The following LRRC53 variants were observed in gnomAD, a reference collection of about 807,000 sequenced individuals.
The protein encoded by LRRC53 is leucine-rich repeat-containing protein 53.
Under a neutral mutation model 13.6 loss-of-function variants are expected in LRRC53, and 25 were observed. The observed-to-expected ratio is 1.83, with a 90% CI of 1.34 to 2.56. The LOEUF is 2.56. Among genes scored for constraint, LRRC53 ranks in the 30% most tolerant of loss-of-function variants. LRRC53 has a pLI of 0.00. For missense variants in LRRC53, 527 were observed against 275.8 expected, an observed-to-expected ratio of 1.91 and a Z score of -6.45; for synonymous variants, 204 against 109.8, an observed-to-expected ratio of 1.86 and a Z score of -5.37.
At chr1:74,511,380 A>T (rs930323112) in intron 1 of LRRC53, among the ~76,000 whole-genome samples, 1 of 152,018 alleles carries the variant, frequency 6.6e-6, no homozygotes, top group East Asian at 1.9e-4. Context: ...TTTAGTAGAG[A>T]TAGGGTTTTG....
chr1:74,494,243 G>A (rs1356535443), intron 1 of LRRC53, among the ~76,000 whole-genome samples: 1 of 152,140 alleles, frequency 6.6e-6, no homozygotes, highest in East Asian at 1.9e-4. Context: ...TCTTAAGTGG[G>A]AAAAGATTAT....
chr1:74,473,344 C>T (rs1462944868), intron 4 of LRRC53, among the ~76,000 whole-genome samples: 3 of 152,042 alleles, frequency 2.0e-5, no homozygotes, highest in Admixed American at 6.6e-5. Context: ...TGACATTAAA[C>T]GACCCTATTG....
chr1:74,535,240 G>A, the LRRC53 span, among the ~76,000 whole-genome samples: 2 of 152,112 alleles, frequency 1.3e-5, no homozygotes, highest in African/African-American at 4.8e-5. Flanking sequence ...ACTTTGGGAG[G>A]TCGAGGTGGG....
chr1:74,473,593 C>T lies in LRRC53; in HGVS notation c.1421-1392G>A, dbSNP rs140544422. ...GGCCTCAAAATTAACTTTTAGTAGA[C>T]AGGAGATGTACTCTCAGCTCCTAAG... On this transcript the variant is annotated intron_variant, in intron 4 of 4. Coordinates refer to ENST00000294635, the MANE Select transcript of LRRC53 (RefSeq NM_001382280.1). 1.6e-3 allele frequency among the ~76,000 whole-genome samples: 242 copies of T among 151,380 alleles called. 2 individuals are homozygous for T. The highest frequency in any genetic ancestry group is 5.2e-3 in the African/African-American group (215 of 41,200).
In LRRC53 at chr1:74,469,565, C is replaced by T. The variant is rs1033304913; in HGVS notation, c.*313G>A. 17 of 182,456 alleles carry T rather than the reference C, an allele frequency of 9.3e-5. No individual in the cohort carries two copies. The highest frequency in any genetic ancestry group is 5.9e-4 in the African/African-American group (17 of 28,960). 11.3% of individuals were successfully genotyped at this position (182,456 alleles called of 1,614,324 possible). A position where few individuals can be genotyped will look rare whatever the true frequency, so the allele number is the denominator to read the frequency against. On this transcript the variant is annotated 3_prime_UTR_variant, in exon 5 of 5. Coordinates refer to ENST00000294635, the MANE Select transcript of LRRC53 (RefSeq NM_001382280.1). ...CAAATACTCTTCTTATGTAGTTTTT[C>T]ATTTGTTTAAGGCTTTTTTTTTTTC...
intron 4 of LRRC53, among the ~76,000 whole-genome samples, chr1:74,472,997 G>A (rs558079429): frequency 1.3e-5 from 2 of 152,224 alleles, no homozygotes; most frequent in South Asian, 2.1e-4. Flanking sequence ...TTTGGGGACA[G>A]ACCATATCTA....
At chr1:74,518,702 A>AGTGTTAAATTTG in the LRRC53 span, among the ~76,000 whole-genome samples, 42 of 152,250 alleles carry the variant, frequency 2.8e-4, 1 homozygote, top group South Asian at 4.8e-3. Flanking sequence ...GCTCAAAATT[A>AGTGTTAAATTTG]TTATATTAGT....
the LRRC53 span, among the ~76,000 whole-genome samples, chr1:74,527,760 TCTTCC>T: frequency 1.1e-4 from 16 of 152,238 alleles, no homozygotes; most frequent in Non-Finnish European, 1.5e-4. Flanking sequence ...CTGTTTTATC[TCTTCC>T]CTTCCCTTCA....
chr1:74,532,144 G>A, the LRRC53 span, among the ~76,000 whole-genome samples: 1 of 152,336 alleles, frequency 6.6e-6, no homozygotes, highest in African/African-American at 2.4e-5. Context: ...CACAAGATCA[G>A]AGGGTTGAGA....
chr1:74,481,265 G>T (rs189672290), intron 2 of LRRC53, among the ~76,000 whole-genome samples: 86 of 152,158 alleles, frequency 5.7e-4, no homozygotes, highest in African/African-American at 1.9e-3. Flanking sequence ...TATCTTCATC[G>T]ATGTTATTTT....
the LRRC53 span, among the ~76,000 whole-genome samples, chr1:74,532,566 C>T: frequency 6.6e-6 from 1 of 151,690 alleles, no homozygotes; most frequent in African/African-American, 2.4e-5. Context: ...TGCTGGTGTG[C>T]TGCACCCAAT....
At chr1:74,488,633 C>G (rs3765678) in intron 1 of LRRC53, among the ~76,000 whole-genome samples, 4,928 of 152,160 alleles carry the variant, frequency 0.032, 199 homozygotes, top group East Asian at 0.15. Context: ...TAACCAAACT[C>G]GTCTGACACA....
At chr1:74,506,036 C>A (rs543580121) in intron 1 of LRRC53, among the ~76,000 whole-genome samples, 187 of 152,220 alleles carry the variant, frequency 1.2e-3, no homozygotes, top group Admixed American at 5.4e-3. Context: ...GCCAGCCCAG[C>A]CAGTGTTAAC....
intron 1 of LRRC53, among the ~76,000 whole-genome samples, chr1:74,494,527 G>T (rs1669234802): frequency 6.6e-6 from 1 of 152,212 alleles, no homozygotes; most frequent in East Asian, 1.9e-4. Flanking sequence ...CATTAGATTT[G>T]GTCACATCAT....
the LRRC53 span, among the ~76,000 whole-genome samples, chr1:74,519,833 A>G: frequency 2.8e-3 from 425 of 152,256 alleles, 1 homozygote; most frequent in African/African-American, 9.8e-3. Context: ...TGAAGGGAAG[A>G]TTGAATAGTC....
intron 1 of LRRC53, among the ~76,000 whole-genome samples, chr1:74,510,580 C>T (rs1395968642): frequency 6.6e-6 from 1 of 152,158 alleles, no homozygotes; most frequent in Non-Finnish European, 1.5e-5. Flanking sequence ...AATTATTGCT[C>T]ATTAAATTAA....
At chr1:74,499,506 G>A (rs935951452) in intron 1 of LRRC53, among the ~76,000 whole-genome samples, 1 of 152,136 alleles carries the variant, frequency 6.6e-6, no homozygotes, top group Non-Finnish European at 1.5e-5. Context: ...CTCTCATTGT[G>A]CCTAATTTAT....
chr1:74,508,265 C>T (rs896658205), intron 1 of LRRC53, among the ~76,000 whole-genome samples: 1 of 152,186 alleles, frequency 6.6e-6, no homozygotes, highest in Non-Finnish European at 1.5e-5. Flanking sequence ...TACCCTAGAA[C>T]TTAAAGTATA....
chr1:74,523,171 A>G, the LRRC53 span, among the ~76,000 whole-genome samples: 1 of 152,194 alleles, frequency 6.6e-6, no homozygotes, highest in Non-Finnish European at 1.5e-5. Flanking sequence ...AAAACAATAT[A>G]TATAATAATA....
Sources: gnomAD v4.1 joint callset for allele counts (sites outside exome capture counted in the v4.1 genomes callset) on GRCh38, gnomAD v4.1.1 for gene constraint, MANE v1.5 for transcripts, NCBI Gene and HGNC (gene_info 2026-07-23, HGNC 2026-07-21) for gene names.